The following LARP1B variants were observed in gnomAD, a reference collection of about 807,000 sequenced individuals.
The protein encoded by LARP1B is la-related protein 1B.
In LARP1B, 76 loss-of-function variants were observed where a neutral mutation model predicts 114.2. The observed-to-expected ratio is 0.67, with a 90% CI of 0.55 to 0.81. The LOEUF is 0.81. LARP1B is among the 30% of genes least tolerant of loss of function. The pLI is 0.00. For synonymous variants in LARP1B, 345 were observed against 348.0 expected (o/e 0.99, Z 0.10); for missense variants, 1,014 against 1,075.8 (o/e 0.94, Z 0.80).
intron 19 of LARP1B, among the ~76,000 whole-genome samples, chr4:128,207,991 A>T (rs1235392103): frequency 6.6e-6 from 1 of 152,244 alleles, no homozygotes; most frequent in Non-Finnish European, 1.5e-5. Flanking sequence ...AATGTCACGA[A>T]TGTAAGAAGA....
At chr4:128,149,425 TA>T (rs33984631) in intron 11 of LARP1B, among the ~76,000 whole-genome samples, 61,981 of 152,022 alleles carry the variant, frequency 0.41, 13,754 homozygotes, top group African/African-American at 0.58. Context: ...GAAGTTGAGT[TA>T]AAAAACCCAC....
intron 11 of LARP1B, among the ~76,000 whole-genome samples, chr4:128,132,210 G>A (rs975733516): frequency 2.0e-5 from 3 of 152,036 alleles, no homozygotes; most frequent in Non-Finnish European, 4.4e-5. Flanking sequence ...AGAGTATTTG[G>A]CAATCAAAAG....
intron 8 of LARP1B, among the ~76,000 whole-genome samples, chr4:128,105,072 T>G (rs1354697403): frequency 1.0e-5 from 1 of 96,858 alleles, no homozygotes; most frequent in Non-Finnish European, 2.5e-5. Context: ...AGGAGTTTTT[T>G]TTTTGTTTTT....
chr4:128,129,954 TCA>T (rs1402980974), intron 11 of LARP1B, among the ~76,000 whole-genome samples: 3 of 152,192 alleles, frequency 2.0e-5, no homozygotes, highest in African/African-American at 7.2e-5. Flanking sequence ...CTTGGGCTTA[TCA>T]TGACTTTTTA....
At chr4:128,213,158 T>C (rs949165790), downstream of LARP1B, among the ~76,000 whole-genome samples, 2 of 152,070 alleles carry the variant, frequency 1.3e-5, no homozygotes, top group Non-Finnish European at 2.9e-5. Context: ...CCTCAGGTGA[T>C]CCACCTTGGC....
intron 5 of LARP1B, among the ~76,000 whole-genome samples, chr4:128,083,678 C>G (rs1198499498): frequency 6.9e-6 from 1 of 145,578 alleles, no homozygotes; most frequent in East Asian, 2.1e-4. Context: ...GGGGCTGAGC[C>G]CCCCCACCTC....
chr4:128,176,816 T>A, intron 12 of LARP1B, 56 bp from the exon 13 acceptor site: 1 of 1,494,322 alleles, frequency 6.7e-7, no homozygotes, highest in Non-Finnish European at 9.3e-7. Context: ...AATGAAACAA[T>A]AAATGGATAA....
chr4:128,091,321 CTTTCTT>C lies in LARP1B; in HGVS notation c.503-18_503-13del, dbSNP rs770755290. ...CTATTTTTTTCTAATATGTGATTAC[CTTTCTT>C]TTTCTTTATTCACATCAAGTGAACT... On this transcript the variant is annotated intron_variant, in intron 6 of 19. Coordinates refer to ENST00000326639, the MANE Select transcript of LARP1B (RefSeq NM_018078.4). 5.0e-6 allele frequency: 8 copies of C among 1,585,168 alleles called. No homozygotes were observed. The highest frequency in any genetic ancestry group is 6.9e-6 in the Non-Finnish European group (8 of 1,163,294).
rs1758684490 is a variant in LARP1B, at chr4:128,209,977, C to T, written c.2669C>T (p.Ser890Phe). The change falls in exon 20 of 20, where the codon TCT becomes TTT. Residue 890 changes from serine to phenylalanine, a missense_variant. Ser to Phe is a radical substitution (Grantham distance 155). Coordinates refer to ENST00000326639, the MANE Select transcript of LARP1B (RefSeq NM_018078.4). The stretch of plus-strand genomic sequence containing the variant: ...CCACCAAATGCTGCTAAACCTACAT[C>T]TACCAGTGAGCTTCAGGTACCAATA... ...TKPPNAAKPT[S>F]TSELQVPINS... is the part of the protein sequence containing the mutation. 1.9e-6 allele frequency: 3 copies of T among 1,614,078 alleles called. No individual in the cohort carries two copies. Among genetic ancestry groups the T allele is most frequent in the Non-Finnish European group, 2.5e-6 (3 of 1,179,924 alleles).
intron 3 of LARP1B, among the ~76,000 whole-genome samples, chr4:128,076,025 T>C (rs1767703510): frequency 6.6e-6 from 1 of 152,126 alleles, no homozygotes; most frequent in East Asian, 1.9e-4. Context: ...GGTTATATTC[T>C]TTTTTTGAGA....
chr4:128,083,149 AC>A (rs1242952601), intron 5 of LARP1B, among the ~76,000 whole-genome samples: 1 of 152,240 alleles, frequency 6.6e-6, no homozygotes, highest in Non-Finnish European at 1.5e-5. Flanking sequence ...TCATAGATCA[AC>A]AGGATCCCAA....
intron 8 of LARP1B, among the ~76,000 whole-genome samples, chr4:128,105,643 G>A (rs930883291): frequency 1.3e-4 from 20 of 152,164 alleles, no homozygotes; most frequent in African/African-American, 4.3e-4. Flanking sequence ...CTGTAATCCT[G>A]CATTTTGGGA....
chr4:128,137,039 GTAAC>G (rs1006472098), intron 11 of LARP1B, among the ~76,000 whole-genome samples: 9 of 152,068 alleles, frequency 5.9e-5, no homozygotes, highest in Admixed American at 2.0e-4. Flanking sequence ...GAATTGAATG[GTAAC>G]TAAAGTTAAA....
At chr4:128,074,061 C>T (rs1487669511) in intron 1 of LARP1B, among the ~76,000 whole-genome samples, 1 of 152,074 alleles carries the variant, frequency 6.6e-6, no homozygotes, top group Non-Finnish European at 1.5e-5. Context: ...CTGCCTCAGC[C>T]TCCTGAGTAT....
chr4:128,122,274 A>G, intron 11 of LARP1B, 86 bp downstream of exon 11: 11 of 1,543,310 alleles, frequency 7.1e-6, no homozygotes, highest in East Asian at 2.3e-5. Flanking sequence ...TTGAGGCTCT[A>G]TTTTATGAAA....
chr4:128,198,918 GAGAT>G (rs907896997), intron 15 of LARP1B, among the ~76,000 whole-genome samples: 1 of 152,168 alleles, frequency 6.6e-6, no homozygotes, highest in Non-Finnish European at 1.5e-5. Context: ...ACAGATTTAG[GAGAT>G]AGATCAAAAG....
intron 12 of LARP1B, among the ~76,000 whole-genome samples, chr4:128,162,776 A>G (rs374114371): frequency 6.6e-6 from 1 of 152,292 alleles, no homozygotes; most frequent in East Asian, 1.9e-4. Flanking sequence ...TGGTTAAAAA[A>G]ATGATTTATA....
At chr4:128,099,400 C>G (rs1383441532) in intron 8 of LARP1B, among the ~76,000 whole-genome samples, 1 of 151,702 alleles carries the variant, frequency 6.6e-6, no homozygotes, top group Admixed American at 6.6e-5. Context: ...GATTTTCCTG[C>G]CTCAGCCTCC....
intron 15 of LARP1B, among the ~76,000 whole-genome samples, chr4:128,180,523 C>T (rs1747977081): frequency 1.3e-5 from 2 of 152,192 alleles, no homozygotes. Flanking sequence ...TGTTCTTCTG[C>T]ACACCTGTGG....
Sources: gnomAD v4.1 joint callset for allele counts (sites outside exome capture counted in the v4.1 genomes callset) on GRCh38, gnomAD v4.1.1 for gene constraint, MANE v1.5 for transcripts, NCBI Gene and HGNC (gene_info 2026-07-23, HGNC 2026-07-21) for gene names.